MID1: variants seen among roughly 807,000 people sequenced by gnomAD.
MID1 encodes E3 ubiquitin-protein ligase Midline-1.
A neutral mutation model predicts 40.4 loss-of-function variants in MID1; 7 were observed. That is an observed-to-expected ratio of 0.17 (90% CI 0.10 to 0.33). The LOEUF is 0.33. Ranked by LOEUF, MID1 falls within the 10% of genes least tolerant of loss-of-function variation. The pLI is 1.00. For missense variants in MID1, 367 were observed against 558.5 expected (o/e 0.66, Z 3.46); for synonymous variants, 229 against 221.2 (o/e 1.04, Z -0.31).
chrX:10,663,878 T>G (rs747247750), intron 1 of MID1, among the ~76,000 whole-genome samples: 13 of 112,148 alleles, frequency 1.2e-4, no homozygotes, highest in South Asian at 1.1e-3. Context: ...ATATTGAGCT[T>G]GAATTAGGAG....
intron 3 of MID1, among the ~76,000 whole-genome samples, chrX:10,512,544 T>C (rs150332864): frequency 9.8e-5 from 11 of 112,660 alleles, no homozygotes; most frequent in Non-Finnish European, 2.1e-4. Context: ...TAACTGCTTG[T>C]AGTGCATATC....
intron 2 of MID1, among the ~76,000 whole-genome samples, chrX:10,555,160 G>C (rs1365243882): frequency 9.0e-6 from 1 of 111,621 alleles, no homozygotes; most frequent in Non-Finnish European, 1.9e-5. Context: ...ACGTGAGAAG[G>C]GCTAGCAGTC....
intron 2 of MID1, among the ~76,000 whole-genome samples, chrX:10,530,336 C>T (rs1932928853): frequency 9.0e-6 from 1 of 111,374 alleles, no homozygotes; most frequent in Admixed American, 9.6e-5. Context: ...CAATACTACC[C>T]TCCCACCACT....
chrX:10,689,947 A>G (rs1198867102), intron 1 of MID1, among the ~76,000 whole-genome samples: 2 of 110,452 alleles, frequency 1.8e-5, no homozygotes, highest in African/African-American at 6.6e-5. Flanking sequence ...CTCTTTATAG[A>G]CAGAGAAAAT....
At chrX:10,734,794 T>C (rs1210219897) in intron 1 of MID1, among the ~76,000 whole-genome samples, 1 of 111,721 alleles carries the variant, frequency 9.0e-6, no homozygotes, top group Non-Finnish European at 1.9e-5. Flanking sequence ...AATGTCCTAG[T>C]GGTTGGGGCT....
chrX:10,539,932 G>A (rs1933404497), intron 2 of MID1, among the ~76,000 whole-genome samples: 1 of 112,468 alleles, frequency 8.9e-6, no homozygotes, highest in Non-Finnish European at 1.9e-5. Context: ...AGACACCTGG[G>A]CTCGGTGCGG....
intron 7 of MID1, among the ~76,000 whole-genome samples, chrX:10,464,510 C>T (rs1929227208): frequency 8.9e-6 from 1 of 111,911 alleles, no homozygotes; most frequent in Non-Finnish European, 1.9e-5. Flanking sequence ...TCTGGGCTCA[C>T]CCAGGGGACG....
chrX:10,756,166 A>G (rs1299644692), intron 1 of MID1, among the ~76,000 whole-genome samples: 6 of 111,920 alleles, frequency 5.4e-5, no homozygotes, highest in South Asian at 3.8e-4. Flanking sequence ...AGCATATAGC[A>G]TACGGCCACT....
intron 2 of MID1, among the ~76,000 whole-genome samples, chrX:10,557,732 T>A (rs1358435872): frequency 8.9e-6 from 1 of 112,165 alleles, no homozygotes; most frequent in Non-Finnish European, 1.9e-5. Context: ...CCATGCATTG[T>A]CCCCACTGTG....
chrX:10,710,038 T>C lies in MID1; in HGVS notation c.-186-89619A>G, dbSNP rs143442415. Among the ~76,000 whole-genome samples, 783 of 111,528 alleles carry C rather than the reference T, an allele frequency of 7.0e-3. 4 individuals carry two copies. The highest frequency in any genetic ancestry group is 0.024 in the African/African-American group (732 of 30,661). The stretch of plus-strand genomic sequence containing the variant: ...TGCCCCGAATTTATGGGTCTAGCCA[T>C]TGGGGGAAGATTATGTGTCTGGGGT... On this transcript the variant is annotated intron_variant, in intron 1 of 10. Transcript: ENST00000380785.
chrX:10,591,467 T>G (rs148331410), intron 1 of MID1, among the ~76,000 whole-genome samples: 37 of 112,196 alleles, frequency 3.3e-4, no homozygotes, highest in African/African-American at 1.1e-3. Flanking sequence ...AATAGTTAGT[T>G]TCACAACTTT....
chrX:10,671,419 G>A (rs756936157), intron 1 of MID1, among the ~76,000 whole-genome samples: 2 of 112,116 alleles, frequency 1.8e-5, no homozygotes, highest in Non-Finnish European at 3.8e-5. Context: ...ACCAAAGAGG[G>A]TTGATATGAA....
At chrX:10,726,116 A>G (rs5978417) in intron 1 of MID1, among the ~76,000 whole-genome samples, 11,494 of 111,249 alleles carry the variant, frequency 0.1, 967 homozygotes, top group African/African-American at 0.28. Context: ...AGTAAATTAT[A>G]CGTTCTGAGA....
chrX:10,576,529 G>A (rs993508607), intron 1 of MID1, among the ~76,000 whole-genome samples: 1 of 111,120 alleles, frequency 9.0e-6, no homozygotes. Context: ...ACTCCTTCTC[G>A]AGGTTCATTT....
At chrX:10,685,727 C>G (rs1414197838) in intron 1 of MID1, among the ~76,000 whole-genome samples, 1 of 111,369 alleles carries the variant, frequency 9.0e-6, no homozygotes, top group Non-Finnish European at 1.9e-5. Context: ...GATAATTTCC[C>G]CTGTATCTTT....
rs2043038390 is a variant in MID1 at position 10,678,639 on chromosome X, G to C, written c.-186-58220C>G. On this transcript the variant is annotated intron_variant, in intron 1 of 10. Coordinates refer to the MID1 transcript ENST00000380785. ...GTCAAGTCAAAAGAAATAATGAACT[G>C]GGACAGAGGGCCCATCTCCTTCATG... Among the ~76,000 whole-genome samples, 6 of 111,589 alleles carry C rather than the reference G, an allele frequency of 5.4e-5. No individual in the cohort carries two copies. In the Admixed American group the frequency reaches 5.7e-4, roughly 11 times the overall value.
At chrX:10,566,008 C>T (rs746728645) in intron 2 of MID1, among the ~76,000 whole-genome samples, 1 of 110,297 alleles carries the variant, frequency 9.1e-6, no homozygotes, top group Non-Finnish European at 1.9e-5. Context: ...TGGGGTTCCA[C>T]CATGTTGGCC....
At chrX:10,549,640 G>T in intron 2 of MID1, among the ~76,000 whole-genome samples, 1 of 113,196 alleles carries the variant, frequency 8.8e-6, no homozygotes, top group South Asian at 3.6e-4. Flanking sequence ...TTTACTCATT[G>T]TAACTGAGGA....
At chrX:10,718,726 A>C (rs1188394672) in intron 1 of MID1, among the ~76,000 whole-genome samples, 69 of 111,627 alleles carry the variant, frequency 6.2e-4, no homozygotes, top group Non-Finnish European at 1.1e-3. Flanking sequence ...ATACCAAAGC[A>C]TGGCAGAGAC....
Sources: allele counts gnomAD v4.1 joint callset (sites outside exome capture counted in the v4.1 genomes callset), GRCh38; gene constraint gnomAD v4.1.1; transcripts MANE v1.5; gene names NCBI Gene and HGNC (gene_info 2026-07-23, HGNC 2026-07-21).